The following KCNIP4 variants were observed in gnomAD, a reference collection of about 807,000 sequenced individuals.
KCNIP4 encodes the protein Kv channel-interacting protein 4.
Under a neutral mutation model 34.0 loss-of-function variants are expected in KCNIP4, and 12 were observed. That is an observed-to-expected ratio of 0.35 (90% CI 0.23 to 0.57). KCNIP4 has a LOEUF of 0.57. KCNIP4 is among the 20% of genes least tolerant of loss of function. KCNIP4 has a pLI of 0.83. For missense variants in KCNIP4, 238 were observed against 311.7 expected (o/e 0.76, Z 1.78); for synonymous variants, 124 against 102.2 (o/e 1.21, Z -1.29).
intron 1 of KCNIP4, among the ~76,000 whole-genome samples, chr4:21,335,684 A>G (rs11942431): frequency 0.016 from 2,405 of 152,282 alleles, 60 homozygotes; most frequent in African/African-American, 0.055. Context: ...GTTACCTCCA[A>G]AATAGTCACC....
At chr4:20,987,375 A>C (rs917697528) in intron 1 of KCNIP4, among the ~76,000 whole-genome samples, 2 of 151,622 alleles carry the variant, frequency 1.3e-5, no homozygotes, top group Admixed American at 6.6e-5. Context: ...TTTACATTGT[A>C]ATGAGTCCTC....
intron 2 of KCNIP4, among the ~76,000 whole-genome samples, chr4:20,878,583 T>G (rs955325042): frequency 1.3e-5 from 2 of 152,222 alleles, no homozygotes; most frequent in African/African-American, 4.8e-5. Flanking sequence ...TCCAGGAAGG[T>G]AGTAAACTGT....
chr4:20,771,122 A>G (rs1755838981), intron 3 of KCNIP4, among the ~76,000 whole-genome samples: 1 of 152,176 alleles, frequency 6.6e-6, no homozygotes, highest in Non-Finnish European at 1.5e-5. Flanking sequence ...AGATTTTGGT[A>G]TCCATGGGGG....
chr4:21,148,059 G>T (rs1479445631), intron 1 of KCNIP4, among the ~76,000 whole-genome samples: 4 of 149,056 alleles, frequency 2.7e-5, no homozygotes, highest in African/African-American at 9.9e-5. Context: ...CCAAATCATA[G>T]ACCAAAGACT....
intron 1 of KCNIP4, among the ~76,000 whole-genome samples, chr4:21,678,661 A>C (rs1008201464): frequency 6.6e-5 from 10 of 152,150 alleles, no homozygotes; most frequent in Admixed American, 6.5e-4. Context: ...TGACTTCTGC[A>C]CTGGCTGGCC....
At chr4:21,172,864 G>A (rs1256268895) in intron 1 of KCNIP4, among the ~76,000 whole-genome samples, 1 of 152,098 alleles carries the variant, frequency 6.6e-6, no homozygotes, top group African/African-American at 2.4e-5. Flanking sequence ...AAACAGAAAT[G>A]GAATTCATTA....
chr4:21,016,590 C>T (rs1739568012), intron 1 of KCNIP4, among the ~76,000 whole-genome samples: 1 of 152,098 alleles, frequency 6.6e-6, no homozygotes, highest in African/African-American at 2.4e-5. Context: ...ACACCTCACC[C>T]AGCCAAGCTT....
intron 1 of KCNIP4, among the ~76,000 whole-genome samples, chr4:21,348,909 T>C (rs1717728929): frequency 6.6e-6 from 1 of 151,982 alleles, no homozygotes; most frequent in Admixed American, 6.6e-5. Flanking sequence ...AGGAATCAAG[T>C]TGGGTTTTGA....
At position 21,144,416 on chromosome 4, in the gene KCNIP4, TC is replaced by T. The variant is rs540400466; in HGVS notation, c.62-261708del. ...TTACAGGGCAAGGACTGTTTATTCA[TC>T]CCAGAGTTTATGTCAAAAAAAGAGC... On this transcript the variant is annotated intron_variant, in intron 1 of 8. Coordinates refer to ENST00000382152, the MANE Select transcript of KCNIP4 (RefSeq NM_025221.6). Among the ~76,000 whole-genome samples, 5 of 152,326 alleles carry T rather than the reference TC, an allele frequency of 3.3e-5. No individual in the cohort carries two copies. The East Asian group carries it at 9.6e-4, about 29-fold the overall frequency.
chr4:21,469,975 G>T (rs139078145), intron 1 of KCNIP4, among the ~76,000 whole-genome samples: 1 of 152,098 alleles, frequency 6.6e-6, no homozygotes, highest in Non-Finnish European at 1.5e-5. Flanking sequence ...TGTGTTTTGC[G>T]CTTTTCTGTT....
At chr4:21,042,922 T>A (rs1742091601) in intron 1 of KCNIP4, among the ~76,000 whole-genome samples, 1 of 152,158 alleles carries the variant, frequency 6.6e-6, no homozygotes, top group South Asian at 2.1e-4. Context: ...CAGAGGTAGA[T>A]TTCTTTTAAA....
intron 1 of KCNIP4, among the ~76,000 whole-genome samples, chr4:21,771,555 T>C (rs77544186): frequency 6.6e-6 from 1 of 152,194 alleles, no homozygotes; most frequent in East Asian, 1.9e-4. Flanking sequence ...TTTCATGATA[T>C]TGATTCTTCC....
intron 1 of KCNIP4, among the ~76,000 whole-genome samples, chr4:20,908,892 T>C (rs1728060109): frequency 6.6e-6 from 1 of 152,246 alleles, no homozygotes; most frequent in Non-Finnish European, 1.5e-5. Flanking sequence ...ATTTACTCAG[T>C]GCTCATTGTT....
At chr4:21,581,597 G>A (rs1336350428) in intron 1 of KCNIP4, among the ~76,000 whole-genome samples, 1 of 151,994 alleles carries the variant, frequency 6.6e-6, no homozygotes, top group Non-Finnish European at 1.5e-5. Flanking sequence ...AGTACCTATT[G>A]TATCTGCACA....
chr4:21,818,130 A>T (rs960168922), intron 1 of KCNIP4, among the ~76,000 whole-genome samples: 1 of 152,100 alleles, frequency 6.6e-6, no homozygotes, highest in Non-Finnish European at 1.5e-5. Flanking sequence ...CCGATATGTG[A>T]TGTCACCCCC....
chr4:21,126,633 G>GAAAA (rs796803101), intron 1 of KCNIP4, among the ~76,000 whole-genome samples: 1,401 of 117,764 alleles, frequency 0.012, 42 homozygotes, highest in African/African-American at 0.036. Context: ...AAAAAAAAAA[G>GAAAA]AAAAGAAAAA....
intron 1 of KCNIP4, among the ~76,000 whole-genome samples, chr4:21,700,106 T>C (rs1712714165): frequency 6.6e-6 from 1 of 152,136 alleles, no homozygotes; most frequent in Non-Finnish European, 1.5e-5. Context: ...GACATAGAAA[T>C]ACTATGGGAT....
At chr4:21,834,466 T>G (rs1723193260) in intron 1 of KCNIP4, among the ~76,000 whole-genome samples, 1 of 152,236 alleles carries the variant, frequency 6.6e-6, no homozygotes, top group African/African-American at 2.4e-5. Flanking sequence ...TTGTTGAAGT[T>G]GCTTATCAGC....
intron 1 of KCNIP4, among the ~76,000 whole-genome samples, chr4:21,317,630 T>A (rs915799597): frequency 6.6e-6 from 1 of 152,204 alleles, no homozygotes; most frequent in African/African-American, 2.4e-5. Flanking sequence ...ATGGTTATAA[T>A]GGTGCTGGCC....
Sources: allele counts gnomAD v4.1 joint callset (sites outside exome capture counted in the v4.1 genomes callset), GRCh38; gene constraint gnomAD v4.1.1; transcripts MANE v1.5; gene names NCBI Gene and HGNC (gene_info 2026-07-23, HGNC 2026-07-21).